The following FNDC3B variants were observed in gnomAD, a reference collection of about 807,000 sequenced individuals.
The protein encoded by FNDC3B is fibronectin type III domain containing 3B.
FNDC3B carries 12 observed loss-of-function variants against 151.5 expected under a neutral mutation model. The ratio of observed to expected loss-of-function variants is 0.08; its 90% CI spans 0.05 to 0.13. FNDC3B has a LOEUF of 0.13. FNDC3B is among the 10% of genes least tolerant of loss of function. The probability of loss-of-function intolerance (pLI) is 1.00; values close to 1 mark genes in which losing one functional copy is unlikely to be tolerated. For missense variants in FNDC3B, 1,214 were observed against 1,505.3 expected (o/e 0.81, Z 3.20); for synonymous variants, 528 against 549.0 (o/e 0.96, Z 0.54).
Position 172,352,719 on chromosome 3 carries a change from A to C in FNDC3B, c.2515-84A>C. ...TATGTGGAAATGTGTACTACTTTAG[A>C]TTTATTTAATGGCAGCTAACTCAGA... On this transcript the variant is annotated intron_variant, in intron 21 of 25. Coordinates refer to ENST00000415807, the MANE Select transcript of FNDC3B (RefSeq NM_022763.4). This position sits in a 1 kb window ranked among gnomAD's most constrained non-coding sequence, Gnocchi z 4.2. 7.3e-7 allele frequency: 1 copy of C among 1,370,490 alleles called. No homozygotes were observed. Among genetic ancestry groups the C allele is most frequent in the Non-Finnish European group, 1.0e-6 (1 of 1,003,438 alleles). The allele number at this position is 1,370,490 out of a possible 1,614,324, so 84.9% of individuals were successfully genotyped here.
At chr3:172,355,537 G>T (rs776512439) in intron 22 of FNDC3B, among the ~76,000 whole-genome samples, 1 of 152,062 alleles carries the variant, frequency 6.6e-6, no homozygotes, top group Non-Finnish European at 1.5e-5. Flanking sequence ...CTAGCACTTG[G>T]TGCTTTAATT....
At chr3:172,226,758 G>A (rs1373222495) in intron 3 of FNDC3B, 113 bp from the exon 4 acceptor site, 16 of 679,252 alleles carry the variant, frequency 2.4e-5, no homozygotes, top group Non-Finnish European at 3.9e-5. Flanking sequence ...CTTTTGAAGA[G>A]CAAATTGTCA....
chr3:172,074,000 G>A (rs1576838211), intron 1 of FNDC3B, among the ~76,000 whole-genome samples: 2 of 152,188 alleles, frequency 1.3e-5, no homozygotes, highest in South Asian at 4.1e-4. Context: ...AGAATGTTGA[G>A]TTGCATCTTC....
chr3:172,259,490 A>T (rs768668718), intron 6 of FNDC3B, among the ~76,000 whole-genome samples: 1 of 152,224 alleles, frequency 6.6e-6, no homozygotes, highest in Non-Finnish European at 1.5e-5. Context: ...CTGTTTCATA[A>T]GGAGCATGCT....
At chr3:172,329,379 A>G (rs1049158118) in intron 12 of FNDC3B, 13 of 297,842 alleles carry the variant, frequency 4.4e-5, no homozygotes, top group African/African-American at 2.6e-4. Context: ...TTTTTAGATC[A>G]CATGCCTTTT....
At chr3:172,102,774 C>T (rs1384151671) in intron 1 of FNDC3B, among the ~76,000 whole-genome samples, 5 of 152,150 alleles carry the variant, frequency 3.3e-5, no homozygotes, top group African/African-American at 9.7e-5. Flanking sequence ...CTTTCCACCT[C>T]CCCGTGCAGA....
intron 2 of FNDC3B, among the ~76,000 whole-genome samples, chr3:172,113,402 G>C (rs113800004): frequency 0.02 from 2,985 of 152,236 alleles, 113 homozygotes; most frequent in African/African-American, 0.069. Context: ...CATGCCCCCT[G>C]CTCTAATCTA....
chr3:172,124,120 T>C (rs1375558464), intron 2 of FNDC3B, among the ~76,000 whole-genome samples: 1 of 152,176 alleles, frequency 6.6e-6, no homozygotes, highest in Non-Finnish European at 1.5e-5. Flanking sequence ...AGATGAAGTC[T>C]TGCTCTGTCG....
chr3:172,189,040 T>G (rs1313697670), intron 3 of FNDC3B, among the ~76,000 whole-genome samples: 1 of 152,238 alleles, frequency 6.6e-6, no homozygotes, highest in Non-Finnish European at 1.5e-5. Context: ...TTAAAACTTA[T>G]TTAATGTATT....
chr3:172,202,854 CT>C (rs1725227892), intron 3 of FNDC3B, among the ~76,000 whole-genome samples: 1 of 152,126 alleles, frequency 6.6e-6, no homozygotes, highest in Non-Finnish European at 1.5e-5. Context: ...TTACTTGAGC[CT>C]TTTTAATAGT....
chr3:172,133,997 C>T lies in FNDC3B; in HGVS notation c.187+451C>T, dbSNP rs982075429. ...CTCAAGAGAAGAAATTATGAAAGGG[C>T]GTGAATACCAAGAGGCAGGTCATTG... On this transcript the variant is annotated intron_variant, in intron 3 of 25. Transcript: ENST00000415807. Among the ~76,000 whole-genome samples the T allele has an allele frequency of 9.2e-5, 14 of 152,202 alleles. No individual in the cohort carries two copies. The East Asian group carries it at 1.5e-3, about 17-fold the overall frequency.
At chr3:172,382,059 A>C (rs970168817) in intron 25 of FNDC3B, among the ~76,000 whole-genome samples, 7 of 152,158 alleles carry the variant, frequency 4.6e-5, no homozygotes, top group African/African-American at 1.2e-4. Flanking sequence ...GTCTTCCACA[A>C]TGGTTGAACT....
At position 172,247,766 on chromosome 3, in the gene FNDC3B, T is replaced by C. The variant is rs1330003273; in HGVS notation, c.498T>C (p.Tyr166=). ...FPQHHLPHTI[Y]GEQEIIPFYG... The stretch of plus-strand genomic sequence containing the variant: ...AGCATCATCTTCCCCACACAATATA[T>C]GGTGAGCAAGGTGAGTAGATTTTCG... Residue 166 remains tyrosine (Y), a synonymous_variant, in exon 5 of 26, where the codon TAT becomes TAC. Coordinates refer to ENST00000415807, the MANE Select transcript of FNDC3B (RefSeq NM_022763.4). 7 of 1,614,008 alleles carry C rather than the reference T, an allele frequency of 4.3e-6. No homozygotes were observed. The highest frequency in any genetic ancestry group is 2.2e-5 in the East Asian group (1 of 44,898).
At chr3:172,155,050 G>A (rs2108608451) in intron 3 of FNDC3B, among the ~76,000 whole-genome samples, 1 of 152,152 alleles carries the variant, frequency 6.6e-6, no homozygotes, top group South Asian at 2.1e-4. Flanking sequence ...ATGGAGGGAA[G>A]CTTTGAAAGG....
At chr3:172,382,962 G>T (rs531077693) in intron 25 of FNDC3B, among the ~76,000 whole-genome samples, 6 of 152,010 alleles carry the variant, frequency 3.9e-5, no homozygotes, top group Non-Finnish European at 8.8e-5. Flanking sequence ...CTCTTTTTTG[G>T]TTCCATATGA....
intron 10 of FNDC3B, among the ~76,000 whole-genome samples, chr3:172,308,684 T>C (rs988065881): frequency 2.0e-5 from 3 of 152,166 alleles, no homozygotes; most frequent in African/African-American, 4.8e-5. Context: ...AGAAGCAAAG[T>C]TTAAACTGGC....
At chr3:172,044,286 T>C (rs1716253018) in intron 1 of FNDC3B, among the ~76,000 whole-genome samples, 1 of 147,144 alleles carries the variant, frequency 6.8e-6, no homozygotes, top group African/African-American at 2.6e-5. Context: ...TCCAACTCTT[T>C]TTTTTTTTTT....
intron 3 of FNDC3B, among the ~76,000 whole-genome samples, chr3:172,158,572 A>T (rs1722613127): frequency 6.6e-6 from 1 of 151,774 alleles, no homozygotes; most frequent in Non-Finnish European, 1.5e-5. Flanking sequence ...CCTTTTTTGG[A>T]TATGTAATTT....
Position 172,190,206 on chromosome 3 carries a change from C to T in FNDC3B, c.188-36665C>T, listed in dbSNP as rs910188286. The stretch of plus-strand genomic sequence containing the variant: ...GTGCTTAATATGATGGGCAGCCCTA[C>T]GCAAATAGGGGTGAATGGAATGAAG... On this transcript the variant is annotated intron_variant, in intron 3 of 25. Coordinates refer to ENST00000415807, the MANE Select transcript of FNDC3B (RefSeq NM_022763.4). Among the ~76,000 whole-genome samples, 10 of 152,090 alleles carry T rather than the reference C, an allele frequency of 6.6e-5. No individual in the cohort carries two copies. In the South Asian group the frequency reaches 8.3e-4, roughly 13 times the overall value.
Sources: gnomAD v4.1 joint callset for allele counts (sites outside exome capture counted in the v4.1 genomes callset) on GRCh38, gnomAD v4.1.1 for gene constraint, Gnocchi (gnomAD v3.1) non-coding constraint, MANE v1.5 for transcripts, NCBI Gene and HGNC (gene_info 2026-07-23, HGNC 2026-07-21) for gene names.